Variants in LRP1B observed in about 807,000 individuals in gnomAD.
LRP1B encodes LDL receptor related protein 1B.
In LRP1B, 217 loss-of-function variants were observed where a neutral mutation model predicts 556.6. That is an observed-to-expected ratio of 0.39 (90% CI 0.35 to 0.44). The LOEUF (loss-of-function observed/expected upper bound fraction) is 0.44. LRP1B is among the 20% of genes least tolerant of loss of function. The pLI is 1.00. For synonymous variants in LRP1B, 2,047 were observed against 1,865.8 expected (o/e 1.10, Z -2.50); for missense variants, 5,053 against 5,620.8 (o/e 0.90, Z 3.23).
intron 29 of LRP1B, among the ~76,000 whole-genome samples, chr2:140,846,353 T>G (rs1032377491): frequency 1.3e-5 from 2 of 152,076 alleles, no homozygotes; most frequent in African/African-American, 4.8e-5. Flanking sequence ...GGCAAACTAT[T>G]TCTACCTCCC....
intron 1 of LRP1B, among the ~76,000 whole-genome samples, chr2:141,917,486 A>G (rs960982203): frequency 6.6e-6 from 1 of 152,222 alleles, no homozygotes; most frequent in African/African-American, 2.4e-5. Flanking sequence ...AACATCACTC[A>G]AAGTGCAAAA....
At chr2:141,672,653 A>C (rs1017551263) in intron 2 of LRP1B, among the ~76,000 whole-genome samples, 7 of 152,198 alleles carry the variant, frequency 4.6e-5, no homozygotes, top group African/African-American at 1.7e-4. Flanking sequence ...TGTTCTACAG[A>C]GAAGCTTAAC....
At chr2:140,658,720 A>C (rs999740424) in intron 41 of LRP1B, among the ~76,000 whole-genome samples, 4 of 151,902 alleles carry the variant, frequency 2.6e-5, no homozygotes, top group Admixed American at 6.6e-5. Context: ...TTTTCTGTCC[A>C]AGGTGGAACC....
intron 2 of LRP1B, among the ~76,000 whole-genome samples, chr2:141,502,937 AATTAT>A (rs1363370036): frequency 2.7e-5 from 4 of 150,902 alleles, no homozygotes; most frequent in Non-Finnish European, 5.9e-5. Context: ...TGAAGGTTGT[AATTAT>A]ATTCAAGTTA....
chr2:141,129,335 G>C (rs1204437854), intron 7 of LRP1B, among the ~76,000 whole-genome samples: 1 of 152,088 alleles, frequency 6.6e-6, no homozygotes, highest in African/African-American at 2.4e-5. Context: ...AGGGAGATTT[G>C]ATTGGGAACC....
At chr2:141,321,578 T>C (rs1020237236) in intron 3 of LRP1B, among the ~76,000 whole-genome samples, 4 of 152,014 alleles carry the variant, frequency 2.6e-5, no homozygotes, top group African/African-American at 9.7e-5. Flanking sequence ...GGAAATACAA[T>C]GCCCTGATTG....
intron 32 of LRP1B, among the ~76,000 whole-genome samples, chr2:140,798,505 G>A (rs1457508814): frequency 6.6e-6 from 1 of 151,892 alleles, no homozygotes; most frequent in Non-Finnish European, 1.5e-5. Context: ...AATTTGTAAT[G>A]ATGGGCCCAG....
At chr2:141,178,994 G>A (rs770967432) in intron 7 of LRP1B, among the ~76,000 whole-genome samples, 20 of 152,008 alleles carry the variant, frequency 1.3e-4, no homozygotes, top group East Asian at 9.7e-4. Flanking sequence ...ACTAAATACC[G>A]TTGTTATAAG....
intron 7 of LRP1B, among the ~76,000 whole-genome samples, chr2:141,158,008 T>C (rs1702111193): frequency 6.6e-6 from 1 of 152,182 alleles, no homozygotes; most frequent in Admixed American, 6.5e-5. Flanking sequence ...TCAATCAGTT[T>C]ATCTATTAAA....
chr2:140,804,521 T>A (rs150962052), intron 32 of LRP1B, among the ~76,000 whole-genome samples: 2 of 152,074 alleles, frequency 1.3e-5, no homozygotes, highest in African/African-American at 2.4e-5. Context: ...AGATTTTTAC[T>A]TTTAAAGTTC....
At chr2:141,923,446 A>ATGTGTGTGTG (rs56356725) in intron 1 of LRP1B, among the ~76,000 whole-genome samples, 108 of 81,736 alleles carry the variant, frequency 1.3e-3, no homozygotes, top group African/African-American at 4.9e-3. Flanking sequence ...TTATATATAT[A>ATGTGTGTGTG]TGTGTGTGTG....
intron 86 of LRP1B, 109 bp from the exon 87 acceptor site, chr2:140,247,271 C>A: frequency 1.4e-6 from 1 of 707,068 alleles, no homozygotes; most frequent in South Asian, 1.5e-5. Context: ...CCAGTCATCA[C>A]AAATTCATAA....
At chr2:141,507,078 T>C (rs1213851123) in intron 2 of LRP1B, among the ~76,000 whole-genome samples, 1 of 152,164 alleles carries the variant, frequency 6.6e-6, no homozygotes, top group African/African-American at 2.4e-5. Context: ...GGAAGGGTTA[T>C]TGCTGTTGAG....
At chr2:141,391,516 T>A (rs1479264955) in intron 3 of LRP1B, among the ~76,000 whole-genome samples, 1 of 151,772 alleles carries the variant, frequency 6.6e-6, no homozygotes, top group South Asian at 2.1e-4. Flanking sequence ...GGAAAAAAAA[T>A]TGTGAAAGGA....
intron 52 of LRP1B, among the ~76,000 whole-genome samples, chr2:140,509,446 C>T (rs959928261): frequency 6.6e-6 from 1 of 152,124 alleles, no homozygotes. Flanking sequence ...TATATCCATA[C>T]TATTTTTACA....
At chr2:141,125,717 T>G (rs1229115264) in intron 7 of LRP1B, among the ~76,000 whole-genome samples, 1 of 152,028 alleles carries the variant, frequency 6.6e-6, no homozygotes, top group Non-Finnish European at 1.5e-5. Flanking sequence ...ATATCTTCTC[T>G]CTGTGTACTT....
chr2:140,583,162 C>CTTTTTTTTTT lies in LRP1B; in HGVS notation c.7194+15468_7194+15469insAAAAAAAAAA, dbSNP rs1220644581. Among the ~76,000 whole-genome samples the CTTTTTTTTTT allele has an allele frequency of 2.8e-4, 30 of 107,812 alleles. 5 individuals carry two copies. The highest frequency in any genetic ancestry group is 6.5e-4 in the African/African-American group (16 of 24,666). 70.7% of individuals were successfully genotyped at this position (107,812 alleles called of 152,430 possible). The stretch of plus-strand genomic sequence containing the variant: ...TGAAAGTTTCTATTGACAGTTTCTC[C>CTTTTTTTTTT]TTTTTTTTCTTTTTTTTTTTTTTTT... On this transcript the variant is annotated intron_variant, in intron 43 of 90. Coordinates refer to ENST00000389484, the MANE Select transcript of LRP1B (RefSeq NM_018557.3).
intron 43 of LRP1B, among the ~76,000 whole-genome samples, chr2:140,589,869 T>C (rs939632723): frequency 5.3e-5 from 8 of 152,104 alleles, no homozygotes; most frequent in Non-Finnish European, 8.8e-5. Context: ...AAGGGAAGTG[T>C]GCACAGCTAT....
chr2:141,604,249 G>A (rs1305450376), intron 2 of LRP1B, among the ~76,000 whole-genome samples: 1 of 152,142 alleles, frequency 6.6e-6, no homozygotes, highest in Admixed American at 6.5e-5. Flanking sequence ...TGGTTGGTCA[G>A]ATAAGACAGA....
Sources: allele counts gnomAD v4.1 joint callset (sites outside exome capture counted in the v4.1 genomes callset), GRCh38; gene constraint gnomAD v4.1.1; transcripts MANE v1.5; gene names NCBI Gene and HGNC (gene_info 2026-07-23, HGNC 2026-07-21).